Variants in RAP1B observed in about 807,000 individuals in gnomAD.
The protein encoded by RAP1B is RAP1B, member of RAS oncogene family.
Under a neutral mutation model 27.5 loss-of-function variants are expected in RAP1B, and 1 was observed. The ratio of observed to expected loss-of-function variants is 0.04; its 90% CI spans 0.01 to 0.17. The LOEUF (loss-of-function observed/expected upper bound fraction) is 0.17, where lower values mean the gene tolerates loss of function less well. Among genes scored for constraint, RAP1B ranks in the 10% least tolerant of loss-of-function variants. RAP1B has a pLI of 1.00. For missense variants in RAP1B, 84 were observed against 214.8 expected (o/e 0.39, Z 3.81); for synonymous variants, 75 against 73.1 (o/e 1.03, Z -0.13).
rs1448166349 is a variant in RAP1B at position 68,632,139 on chromosome 12, TTTTTTTG to T, written c.-26-16556_-26-16550del. Among the ~76,000 whole-genome samples, 70 of 126,862 alleles carry T rather than the reference TTTTTTTG, an allele frequency of 5.5e-4. 2 individuals carry two copies. The highest frequency in any genetic ancestry group is 2.5e-3 in the African/African-American group (57 of 22,804). 83.2% of individuals were successfully genotyped at this position (126,862 alleles called of 152,430 possible). On this transcript the variant is annotated intron_variant, in intron 1 of 7. Coordinates refer to ENST00000250559, the MANE Select transcript of RAP1B (RefSeq NM_001010942.3). ...TTGGGTTTTGGATTTGTTTTTTTTT[TTTTTTTG>T]TTTGTTTTTTTTTTCCAGACTGTTT...
intron 4 of RAP1B, among the ~76,000 whole-genome samples, chr12:68,653,363 C>G (rs867312695): frequency 7.0e-6 from 1 of 143,264 alleles, no homozygotes; most frequent in Non-Finnish European, 1.5e-5. Flanking sequence ...ATGTCAGGCA[C>G]TGTGTTGTTA....
At chr12:68,657,772 ACGTGCG>A (rs1293976343) in intron 7 of RAP1B, 8 of 128,560 alleles carry the variant, frequency 6.2e-5, no homozygotes, top group Non-Finnish European at 3.2e-5. Flanking sequence ...ACACACACAC[ACGTGCG>A]CGCGTGCGCG....
intron 1 of RAP1B, among the ~76,000 whole-genome samples, chr12:68,622,227 A>G (rs13377678): frequency 0.065 from 9,842 of 152,236 alleles, 802 homozygotes; most frequent in African/African-American, 0.2. Context: ...GTGTTTCTGT[A>G]ATACCACCCT....
At chr12:68,619,712 T>A (rs1871263999) in intron 1 of RAP1B, among the ~76,000 whole-genome samples, 1 of 152,198 alleles carries the variant, frequency 6.6e-6, no homozygotes, top group Admixed American at 6.5e-5. Flanking sequence ...TTTATTTTGT[T>A]TATATTTTTG....
At position 68,656,454 on chromosome 12, in the gene RAP1B, G is replaced by A; in HGVS notation, c.468+5G>A. The A allele has an allele frequency of 1.2e-6, 2 of 1,603,752 alleles. No individual in the cohort carries two copies. The highest frequency in any genetic ancestry group is 1.7e-6 in the Non-Finnish European group (2 of 1,170,992). On this transcript the variant is annotated splice_donor_5th_base_variant and intron_variant, in intron 6 of 7. Transcript: ENST00000250559. The stretch of plus-strand genomic sequence containing the variant: ...TCAAAAATAAATGTTAATGAGGTAT[G>A]GTCAAATATACTTAAAATGGGTCTT...
At chr12:68,638,542 A>G (rs1872778498) in intron 1 of RAP1B, among the ~76,000 whole-genome samples, 1 of 152,188 alleles carries the variant, frequency 6.6e-6, no homozygotes, top group African/African-American at 2.4e-5. Flanking sequence ...TTGAAAGATA[A>G]TGACTCCAAA....
intron 1 of RAP1B, among the ~76,000 whole-genome samples, chr12:68,614,549 C>CT (rs1870841606): frequency 6.6e-6 from 1 of 152,214 alleles, no homozygotes; most frequent in Admixed American, 6.5e-5. Flanking sequence ...ATTGGTCTGT[C>CT]TTAAACTTTC....
intron 1 of RAP1B, among the ~76,000 whole-genome samples, chr12:68,629,764 A>G (rs1872100317): frequency 6.6e-6 from 1 of 152,204 alleles, no homozygotes; most frequent in African/African-American, 2.4e-5. Context: ...TGAATGTTAT[A>G]AATATGATAG....
chr12:68,632,021 C>G (rs991084184), intron 1 of RAP1B, among the ~76,000 whole-genome samples: 3 of 147,906 alleles, frequency 2.0e-5, no homozygotes, highest in African/African-American at 7.6e-5. Flanking sequence ...ATGTAGCCAT[C>G]TTTTTTGCAT....
At chr12:68,657,439 CTG>C in intron 7 of RAP1B, 2 of 297,866 alleles carry the variant, frequency 6.7e-6, no homozygotes, top group South Asian at 1.2e-4. Context: ...GAGTTTCACT[CTG>C]TCACCCAGGC....
At position 68,644,991 on chromosome 12, in the gene RAP1B, G is replaced by A. The variant is rs898689722; in HGVS notation, c.-26-3708G>A. On this transcript the variant is annotated intron_variant, in intron 1 of 7. Transcript: ENST00000250559. ...TGGGATTACAGGCGTGAGCCACCACGCCTGGCCTGAAATTTATCTTTTGTT... is the reference window on the plus strand; with the variant it reads ...TGGGATTACAGGCGTGAGCCACCACACCTGGCCTGAAATTTATCTTTTGTT... 3.3e-5 allele frequency among the ~76,000 whole-genome samples: 5 copies of A among 152,064 alleles called. No homozygotes were observed. In the East Asian group the frequency reaches 5.8e-4, roughly 18 times the overall value.
Position 68,656,512 on chromosome 12 carries a change from A to T in RAP1B, c.468+63A>T. 3 of 1,519,424 alleles carry T rather than the reference A, an allele frequency of 2.0e-6. No individual in the cohort carries two copies. In the South Asian group the frequency reaches 3.4e-5, roughly 17 times the overall value. The allele number at this position is 1,519,424 out of a possible 1,614,324, so 94.1% of individuals were successfully genotyped here. A position where few individuals can be genotyped will look rare whatever the true frequency, so the allele number is the denominator to read the frequency against. On this transcript the variant is annotated intron_variant, in intron 6 of 7. Coordinates refer to ENST00000250559, the MANE Select transcript of RAP1B (RefSeq NM_001010942.3). ...AGTACAACATTGAAGATGAATGGAA[A>T]ATGTCTTAACCCCAAGTTAATATGT...
Position 68,650,444 on chromosome 12 carries a change from T to C in RAP1B, c.102T>C (p.Pro34=), listed in dbSNP as rs1411404570. ...VQGIFVEKYD[P]TIEDSYRKQV... ...GAATTTTTGTAGAAAAATACGATCC[T>C]ACGATAGAAGATTCTTATAGAAAGG... The change falls in exon 3 of 8, where the codon CCT becomes CCC. Residue 34 remains proline, a synonymous_variant. Coordinates refer to ENST00000250559, the MANE Select transcript of RAP1B (RefSeq NM_001010942.3). The C allele has an allele frequency of 6.4e-7, 1 of 1,562,508 alleles. No individual in the cohort carries two copies. Among genetic ancestry groups the C allele is most frequent in the Non-Finnish European group, 8.7e-7 (1 of 1,153,708 alleles).
Position 68,614,227 on chromosome 12 carries a change from T to G in RAP1B, c.-27+3184T>G, listed in dbSNP as rs1351145624. Among the ~76,000 whole-genome samples, 9 of 152,322 alleles carry G rather than the reference T, an allele frequency of 5.9e-5. 1 individual carries two copies. Among genetic ancestry groups the G allele is most frequent in the Admixed American group, 5.9e-4 (9 of 15,298 alleles). ...TTGAGGTAGTGAAACTAATCTGAAATTGGATCTGATACAGAGAATTTGACC... is the reference window on the plus strand; with the variant it reads ...TTGAGGTAGTGAAACTAATCTGAAAGTGGATCTGATACAGAGAATTTGACC... On this transcript the variant is annotated intron_variant, in intron 1 of 7. Coordinates refer to ENST00000250559, the MANE Select transcript of RAP1B (RefSeq NM_001010942.3).
chr12:68,620,952 A>G (rs1276950297), intron 1 of RAP1B, among the ~76,000 whole-genome samples: 1 of 152,126 alleles, frequency 6.6e-6, no homozygotes, highest in Non-Finnish European at 1.5e-5. Flanking sequence ...AGATTAGGAG[A>G]GTGTTAAGAA....
rs915332736 is a variant in RAP1B at position 68,626,449 on chromosome 12, A to T, written c.-27+15406A>T. Among the ~76,000 whole-genome samples the T allele has an allele frequency of 2.6e-5, 4 of 152,066 alleles. No individual in the cohort carries two copies. In the South Asian group the frequency reaches 8.3e-4, roughly 31 times the overall value. On this transcript the variant is annotated intron_variant, in intron 1 of 7. Transcript: ENST00000250559. Reference sequence around the variant, plus strand: ...CAGCAAATATTATAGGGCGTTTTTGATGGTATCTTTAAATTTTGGACATAG... The same window carrying T: ...CAGCAAATATTATAGGGCGTTTTTGTTGGTATCTTTAAATTTTGGACATAG...
chr12:68,631,917 A>G (rs1592437691), intron 1 of RAP1B, among the ~76,000 whole-genome samples: 1 of 152,022 alleles, frequency 6.6e-6, no homozygotes, highest in Non-Finnish European at 1.5e-5. Context: ...AAAATGGCCA[A>G]CCATTCTTGT....
intron 1 of RAP1B, chr12:68,627,151 G>T (rs1214502047): frequency 9.5e-6 from 15 of 1,571,178 alleles, no homozygotes; most frequent in African/African-American, 9.4e-5. Flanking sequence ...GTGCCCTGGG[G>T]CTTCCCAAAG....
intron 2 of RAP1B, 43 bp from the exon 3 acceptor site, chr12:68,650,357 T>C (rs775003834): frequency 3.4e-6 from 5 of 1,464,768 alleles, no homozygotes; most frequent in Non-Finnish European, 4.6e-6. Context: ...TTGAATGTAC[T>C]CTTTTCTTTA....
Sources: gnomAD v4.1 joint callset for allele counts (sites outside exome capture counted in the v4.1 genomes callset) on GRCh38, gnomAD v4.1.1 for gene constraint, MANE v1.5 for transcripts, NCBI Gene and HGNC (gene_info 2026-07-23, HGNC 2026-07-21) for gene names.